ME3: variants seen among roughly 807,000 people sequenced by gnomAD.
The protein encoded by ME3 is malic enzyme 3, also known as NADP-dependent malic enzyme, mitochondrial.
ME3 carries 48 observed loss-of-function variants against 68.9 expected under a neutral mutation model. The observed-to-expected ratio is 0.70, with a 90% confidence interval of 0.55 to 0.89. ME3 has a LOEUF of 0.89. ME3 is among the 40% of genes least tolerant of loss of function. The pLI is 0.00. For missense variants in ME3, 675 were observed against 797.4 expected (o/e 0.85, Z 1.85); for synonymous variants, 320 against 318.8 (o/e 1.00, Z -0.04).
In ME3 at chr11:86,601,438, C is replaced by A. The variant is rs929202760; in HGVS notation, c.184-41615G>T. Among the ~76,000 whole-genome samples, 9 of 152,030 alleles carry A rather than the reference C, an allele frequency of 5.9e-5. No homozygotes were observed. The South Asian group carries it at 6.2e-4, about 11-fold the overall frequency. On this transcript the variant is annotated intron_variant, in intron 2 of 14. Coordinates refer to ENST00000543262, the Ensembl canonical transcript of ME3. ...AATCTCTGAATAGACCAATAACAGG[C>A]TCTGAAATTGTGGCAATAATCACTA...
At chr11:86,649,856 A>G (rs560570315) in intron 2 of ME3, among the ~76,000 whole-genome samples, 2 of 152,240 alleles carry the variant, frequency 1.3e-5, no homozygotes, top group Non-Finnish European at 2.9e-5. Flanking sequence ...GACAGGAACA[A>G]TCAATATTGT....
chr11:86,613,891 G>C (rs533020276), intron 2 of ME3, among the ~76,000 whole-genome samples: 3 of 152,262 alleles, frequency 2.0e-5, no homozygotes, highest in African/African-American at 7.2e-5. Flanking sequence ...TGGTCATACT[G>C]CCTAAAGTAA....
chr11:86,570,340 G>A (rs777366010), intron 2 of ME3, among the ~76,000 whole-genome samples: 5 of 152,156 alleles, frequency 3.3e-5, no homozygotes, highest in Non-Finnish European at 7.3e-5. Context: ...GCTGTTAGGG[G>A]ACCAGGAGGC....
intron 4 of ME3, among the ~76,000 whole-genome samples, chr11:86,521,683 G>T (rs1173374103): frequency 6.6e-6 from 1 of 152,036 alleles, no homozygotes; most frequent in Non-Finnish European, 1.5e-5. Context: ...CCTGTGTCTT[G>T]ACACAATTAT....
chr11:86,482,271 C>T (rs974261553), intron 7 of ME3, among the ~76,000 whole-genome samples: 13 of 152,184 alleles, frequency 8.5e-5, no homozygotes, highest in Non-Finnish European at 1.9e-4. Flanking sequence ...TCAATAGATA[C>T]ATACGAAATG....
intron 4 of ME3, among the ~76,000 whole-genome samples, chr11:86,539,832 AC>A (rs1309167729): frequency 2.0e-5 from 3 of 152,190 alleles, no homozygotes; most frequent in Non-Finnish European, 4.4e-5. Flanking sequence ...GCTTCACTGG[AC>A]CACATTGGAA....
intron 7 of ME3, among the ~76,000 whole-genome samples, chr11:86,475,874 T>TATATATATAGAG: frequency 1.1e-4 from 10 of 91,470 alleles, no homozygotes; most frequent in Non-Finnish European, 1.7e-4. Flanking sequence ...TATATATATA[T>TATATATATAGAG]AGAGAGAGAG....
intron 6 of ME3, among the ~76,000 whole-genome samples, chr11:86,490,306 C>G (rs1951922346): frequency 6.6e-6 from 1 of 152,166 alleles, no homozygotes; most frequent in African/African-American, 2.4e-5. Context: ...CTCTCACTCT[C>G]CTAATCCCCT....
At chr11:86,617,117 G>A (rs542490830) in intron 2 of ME3, among the ~76,000 whole-genome samples, 1 of 113,604 alleles carries the variant, frequency 8.8e-6, no homozygotes, top group East Asian at 2.9e-4. Flanking sequence ...AGTATGATTT[G>A]GTTTTCAGTT....
intron 4 of ME3, among the ~76,000 whole-genome samples, chr11:86,525,883 G>C (rs1181707670): frequency 6.6e-6 from 1 of 150,916 alleles, no homozygotes; most frequent in African/African-American, 2.4e-5. Flanking sequence ...AAAAAAAGGA[G>C]AGGGTGGAGC....
At chr11:86,475,440 C>T (rs893127701) in intron 7 of ME3, among the ~76,000 whole-genome samples, 3 of 152,172 alleles carry the variant, frequency 2.0e-5, no homozygotes, top group African/African-American at 7.2e-5. Context: ...GAGCTAATTA[C>T]ACCTCTTTTC....
chr11:86,502,290 T>A (rs1952776979), intron 5 of ME3, among the ~76,000 whole-genome samples: 1 of 152,206 alleles, frequency 6.6e-6, no homozygotes, highest in Non-Finnish European at 1.5e-5. Flanking sequence ...TTCTCTGAAT[T>A]CCCATAGCAT....
At chr11:86,518,220 G>GA (rs146315125) in intron 4 of ME3, among the ~76,000 whole-genome samples, 8,079 of 152,262 alleles carry the variant, frequency 0.053, 292 homozygotes, top group Non-Finnish European at 0.081. Context: ...AACACTTGGA[G>GA]AAATTGTAGT....
intron 2 of ME3, among the ~76,000 whole-genome samples, chr11:86,640,383 G>GA (rs2135377209): frequency 6.6e-6 from 1 of 152,358 alleles, no homozygotes; most frequent in South Asian, 2.1e-4. Context: ...CAGTGACCCT[G>GA]AAGTGCTTCA....
At chr11:86,661,794 T>C (rs1313302509) in intron 2 of ME3, among the ~76,000 whole-genome samples, 2 of 152,184 alleles carry the variant, frequency 1.3e-5, no homozygotes, top group African/African-American at 4.8e-5. Flanking sequence ...TGGTCCTCAC[T>C]TGCACCCCTC....
chr11:86,458,500 T>C (rs922990507), intron 8 of ME3, among the ~76,000 whole-genome samples: 11 of 151,906 alleles, frequency 7.2e-5, no homozygotes, highest in Admixed American at 7.2e-4. Context: ...TCTCTGGAGG[T>C]TCGGCTGTTG....
intron 4 of ME3, among the ~76,000 whole-genome samples, chr11:86,523,983 A>G (rs1412782085): frequency 6.6e-6 from 1 of 152,218 alleles, no homozygotes; most frequent in East Asian, 1.9e-4. Flanking sequence ...AAACTCAGAG[A>G]GAGTTGGTAC....
chr11:86,447,591 A>G (rs1949384602), intron 11 of ME3, among the ~76,000 whole-genome samples: 2 of 152,048 alleles, frequency 1.3e-5, no homozygotes, highest in Non-Finnish European at 2.9e-5. Context: ...CATGCCTGCA[A>G]TCCTAGCACT....
chr11:86,473,210 A>G (rs1053952615), intron 7 of ME3, among the ~76,000 whole-genome samples: 1 of 152,216 alleles, frequency 6.6e-6, no homozygotes, highest in Admixed American at 6.5e-5. Context: ...AGCAGCTGCT[A>G]CCAGAGCCAC....
Sources: allele counts gnomAD v4.1 joint callset (sites outside exome capture counted in the v4.1 genomes callset), GRCh38; gene constraint gnomAD v4.1.1; transcripts MANE v1.5; gene names NCBI Gene and HGNC (gene_info 2026-07-23, HGNC 2026-07-21).